TLN2: variants seen among roughly 807,000 people sequenced by gnomAD.
TLN2 encodes talin 2.
A neutral mutation model predicts 294.7 loss-of-function variants in TLN2; 118 were observed. That is an observed-to-expected ratio of 0.40 (90% confidence interval 0.34 to 0.47). TLN2 has a LOEUF of 0.47. Among genes scored for constraint, TLN2 ranks in the 20% least tolerant of loss-of-function variants. The pLI is 0.84. For synonymous variants in TLN2, 1,431 were observed against 1,304.5 expected (o/e 1.10, Z -2.09); for missense variants, 3,083 against 3,282.2 (o/e 0.94, Z 1.48).
chr15:62,765,225 T>C (rs1242898503), intron 40 of TLN2, among the ~76,000 whole-genome samples: 2 of 152,164 alleles, frequency 1.3e-5, no homozygotes, highest in Non-Finnish European at 2.9e-5. Flanking sequence ...ATTATGAATA[T>C]GAAGATAATA....
At chr15:62,579,653 C>T (rs778687194) in intron 1 of TLN2, among the ~76,000 whole-genome samples, 1 of 152,044 alleles carries the variant, frequency 6.6e-6, no homozygotes, top group African/African-American at 2.4e-5. Flanking sequence ...GAACGTGTCC[C>T]CTGAAGAGGA....
At chr15:62,788,035 C>T (rs537637436) in intron 45 of TLN2, among the ~76,000 whole-genome samples, 1 of 149,854 alleles carries the variant, frequency 6.7e-6, no homozygotes, top group African/African-American at 2.5e-5. Flanking sequence ...AAATGAATTT[C>T]CTCTGTGGCT....
At position 62,479,869 on chromosome 15, in the gene TLN2, C is replaced by T. The variant is rs16945116; in HGVS notation, c.-238+89184C>T. Among the ~76,000 whole-genome samples, 1,301 of 152,350 alleles carry T rather than the reference C, an allele frequency of 8.5e-3. 18 individuals are homozygous for T. The highest frequency in any genetic ancestry group is 0.03 in the African/African-American group (1,239 of 41,580). On this transcript the variant is annotated intron_variant, in intron 1 of 58. Coordinates refer to ENST00000636159, the MANE Select transcript of TLN2 (RefSeq NM_015059.3). ...CCCAGGCCCAGCACAGGACTGTGAGCTCGATAAACATCTGTTAAATAAACT... is the reference window on the plus strand; with the variant it reads ...CCCAGGCCCAGCACAGGACTGTGAGTTCGATAAACATCTGTTAAATAAACT...
At chr15:62,404,715 T>G (rs933163466) in intron 1 of TLN2, among the ~76,000 whole-genome samples, 15 of 151,732 alleles carry the variant, frequency 9.9e-5, no homozygotes, top group African/African-American at 3.6e-4. Flanking sequence ...AAGGGGGGCG[T>G]GGATTATTCC....
intron 10 of TLN2, among the ~76,000 whole-genome samples, chr15:62,674,253 T>C (rs991493714): frequency 2.6e-5 from 4 of 152,150 alleles, no homozygotes; most frequent in African/African-American, 7.2e-5. Context: ...ATTTGGAAAT[T>C]AGTGCCTTTT....
In TLN2 at chr15:62,814,253, A is replaced by G. The variant is rs190354560; in HGVS notation, c.6771+4221A>G. 9.2e-5 allele frequency among the ~76,000 whole-genome samples: 14 copies of G among 152,380 alleles called. No homozygotes were observed. The East Asian group carries it at 2.7e-3, about 29-fold the overall frequency. On this transcript the variant is annotated intron_variant, in intron 52 of 58. Transcript: ENST00000636159. ...GGGGACTTCAGAAATATTCGCTGAA[A>G]GAAGGGGAATACAAGAAAAAGACTT...
At chr15:62,553,127 G>A (rs1023213964) in intron 1 of TLN2, among the ~76,000 whole-genome samples, 1 of 152,184 alleles carries the variant, frequency 6.6e-6, no homozygotes, top group Admixed American at 6.5e-5. Context: ...TCATGAAAAA[G>A]GTTGAACTGA....
At chr15:62,621,222 C>T (rs2048798370) in intron 3 of TLN2, among the ~76,000 whole-genome samples, 1 of 152,112 alleles carries the variant, frequency 6.6e-6, no homozygotes, top group African/African-American at 2.4e-5. Context: ...TTACCTTTGT[C>T]AGCACTCAAG....
In TLN2 at chr15:62,697,167, G is replaced by A. The variant is rs142491544; in HGVS notation, c.1293-521G>A. ...CTTTTGCCCAGGCTGGAGTACAGTG[G>A]CGCGATCATAGCTCACTGCAGCCTC... On this transcript the variant is annotated intron_variant, in intron 14 of 58. Coordinates refer to ENST00000636159, the MANE Select transcript of TLN2 (RefSeq NM_015059.3). Among the ~76,000 whole-genome samples the A allele has an allele frequency of 2.7e-3, 417 of 152,140 alleles. 2 individuals are homozygous for A. Among genetic ancestry groups the A allele is most frequent in the African/African-American group, 9.4e-3 (392 of 41,502 alleles).
intron 55 of TLN2, 88 bp downstream of exon 55, chr15:62,833,717 A>G: frequency 1.3e-6 from 2 of 1,524,572 alleles, no homozygotes; most frequent in Non-Finnish European, 1.8e-6. Flanking sequence ...TTTTGTCCTG[A>G]CCAAGGAAAC....
intron 12 of TLN2, chr15:62,688,020 G>A (rs1236454573): frequency 1.3e-5 from 2 of 152,218 alleles, no homozygotes; most frequent in African/African-American, 4.8e-5. Flanking sequence ...TACCTTTGGA[G>A]AGGTATGTGG....
At chr15:62,589,806 A>G (rs896255884) in intron 2 of TLN2, 44 bp downstream of exon 2, 1 of 152,108 alleles carries the variant, frequency 6.6e-6, no homozygotes, top group African/African-American at 2.4e-5. Flanking sequence ...CAATTGGCCA[A>G]TCCCCTGCAT....
chr15:62,527,149 A>G (rs2040784892), intron 1 of TLN2, among the ~76,000 whole-genome samples: 7 of 152,190 alleles, frequency 4.6e-5, no homozygotes, highest in Admixed American at 4.6e-4. Flanking sequence ...TGAGGAGTGC[A>G]TACCATAGCC....
At chr15:62,729,853 C>G (rs538957635) in intron 28 of TLN2, among the ~76,000 whole-genome samples, 2 of 152,126 alleles carry the variant, frequency 1.3e-5, no homozygotes, top group African/African-American at 4.8e-5. Context: ...CTTTCAGATT[C>G]ATATGCATTT....
At chr15:62,733,348 G>T (rs779095325) in intron 28 of TLN2, among the ~76,000 whole-genome samples, 1 of 152,188 alleles carries the variant, frequency 6.6e-6, no homozygotes, top group Non-Finnish European at 1.5e-5. Flanking sequence ...TGGATGGGAA[G>T]CAAGGAAAGA....
At chr15:62,602,781 C>G (rs894545247) in intron 2 of TLN2, among the ~76,000 whole-genome samples, 1 of 151,914 alleles carries the variant, frequency 6.6e-6, no homozygotes, top group Non-Finnish European at 1.5e-5. Flanking sequence ...CCCAAAGGCC[C>G]CACCTCCAAA....
chr15:62,508,981 G>A (rs1008959103), intron 1 of TLN2, among the ~76,000 whole-genome samples: 2 of 152,164 alleles, frequency 1.3e-5, no homozygotes, highest in Non-Finnish European at 2.9e-5. Context: ...TGTAATCTTA[G>A]TGTTTTACTT....
chr15:62,633,452 A>G (rs1214838993), intron 3 of TLN2, among the ~76,000 whole-genome samples: 6 of 152,116 alleles, frequency 3.9e-5, no homozygotes, highest in Non-Finnish European at 5.9e-5. Flanking sequence ...GCACACCACC[A>G]TGCCCAGCTA....
chr15:62,673,072 T>TTTTGTGTGTGTGTGTGTG (rs1555464936), intron 9 of TLN2, among the ~76,000 whole-genome samples: 3 of 144,798 alleles, frequency 2.1e-5, no homozygotes, highest in African/African-American at 7.6e-5. Context: ...CCTAATTTAA[T>TTTTGTGTGTGTGTGTGTG]TGTGTGTGTG....
Sources: gnomAD v4.1 joint callset for allele counts (sites outside exome capture counted in the v4.1 genomes callset) on GRCh38, gnomAD v4.1.1 for gene constraint, MANE v1.5 for transcripts, NCBI Gene and HGNC (gene_info 2026-07-23, HGNC 2026-07-21) for gene names.